The following CMC1 variants were observed in gnomAD, a reference collection of about 807,000 sequenced individuals.
CMC1 encodes C-X9-C motif containing 1.
In CMC1, 14 loss-of-function variants were observed where a neutral mutation model predicts 14.1. The ratio of observed to expected loss-of-function variants is 0.99; its 90% confidence interval spans 0.66 to 1.55. CMC1 has a LOEUF of 1.55. Ranked by LOEUF, CMC1 falls within the 40% of genes most tolerant of loss-of-function variation. The pLI is 0.00. For synonymous variants in CMC1, 50 were observed against 38.4 expected (o/e 1.30, Z -1.12); for missense variants, 127 against 123.8 (o/e 1.03, Z -0.12).
chr3:28,267,852 C>G (rs1483515172), intron 2 of CMC1, among the ~76,000 whole-genome samples: 1 of 152,162 alleles, frequency 6.6e-6, no homozygotes, highest in Non-Finnish European at 1.5e-5. Flanking sequence ...GGGCTGCAGA[C>G]TATATACATG....
chr3:28,247,978 TAGG>T (rs547458308), intron 1 of CMC1, among the ~76,000 whole-genome samples: 34 of 152,302 alleles, frequency 2.2e-4, no homozygotes, highest in Admixed American at 1.8e-3. Flanking sequence ...ATCAGTTTCT[TAGG>T]AGAGTTTTCC....
At chr3:28,295,102 AACGTGAG>A (rs1701672506) in intron 2 of CMC1, among the ~76,000 whole-genome samples, 1 of 152,186 alleles carries the variant, frequency 6.6e-6, no homozygotes, top group Non-Finnish European at 1.5e-5. Flanking sequence ...GACTCATTTT[AACGTGAG>A]CTCGTTTTTA....
intron 2 of CMC1, among the ~76,000 whole-genome samples, chr3:28,290,610 T>A (rs1701423353): frequency 6.6e-6 from 1 of 152,152 alleles, no homozygotes; most frequent in African/African-American, 2.4e-5. Context: ...ATATCTTGTA[T>A]CAGTTCTTTC....
intron 3 of CMC1, chr3:28,317,785 C>G (rs1248596356): frequency 6.6e-6 from 1 of 151,988 alleles, no homozygotes; most frequent in African/African-American, 2.4e-5. Flanking sequence ...TTGTGAGGTA[C>G]TGCATGTAAA....
intron 2 of CMC1, among the ~76,000 whole-genome samples, chr3:28,283,360 A>T (rs1363451152): frequency 4.6e-5 from 7 of 151,784 alleles, no homozygotes; most frequent in Non-Finnish European, 5.9e-5. Context: ...CTAAAAATAA[A>T]AAAAAAAAAT....
intron 2 of CMC1, among the ~76,000 whole-genome samples, chr3:28,287,599 AT>A (rs1701251432): frequency 6.6e-6 from 1 of 152,112 alleles, no homozygotes; most frequent in African/African-American, 2.4e-5. Flanking sequence ...TCACATGGTT[AT>A]TGGTATACTT....
intron 2 of CMC1, among the ~76,000 whole-genome samples, chr3:28,300,338 G>A (rs757436866): frequency 6.6e-6 from 1 of 151,962 alleles, no homozygotes; most frequent in African/African-American, 2.4e-5. Context: ...ATTTATATTC[G>A]AGAACAATTA....
intron 2 of CMC1, among the ~76,000 whole-genome samples, chr3:28,296,093 G>A (rs1299510960): frequency 6.6e-6 from 1 of 152,074 alleles, no homozygotes; most frequent in African/African-American, 2.4e-5. Context: ...CATATGAACA[G>A]ATTGTTAGAA....
intron 2 of CMC1, among the ~76,000 whole-genome samples, chr3:28,308,827 CA>C (rs1234518085): frequency 6.6e-6 from 1 of 151,902 alleles, no homozygotes; most frequent in Non-Finnish European, 1.5e-5. Context: ...TACTAAAATA[CA>C]AAAAATTAGC....
rs1266233574 is a variant in CMC1 at position 28,322,577 on chromosome 3, G to A, written c.*2948G>A. Reference sequence around the variant, plus strand: ...TTTTTGCTGCTTTGTTATTACACAGGTAGTTGCTTCCTTCAGCTAAAGCCT... The same window carrying A: ...TTTTTGCTGCTTTGTTATTACACAGATAGTTGCTTCCTTCAGCTAAAGCCT... On this transcript the variant is annotated 3_prime_UTR_variant, in exon 4 of 4. Coordinates refer to ENST00000466830, the MANE Select transcript of CMC1 (RefSeq NM_182523.2). 6.6e-6 allele frequency: 1 copy of A among 151,498 alleles called. No homozygotes were observed. Among genetic ancestry groups the A allele is most frequent in the Non-Finnish European group, 1.5e-5 (1 of 67,368 alleles). 9.4% of individuals were successfully genotyped at this position (151,498 alleles called of 1,614,324 possible). A position where few individuals can be genotyped will look rare whatever the true frequency, so the allele number is the denominator to read the frequency against.
intron 2 of CMC1, among the ~76,000 whole-genome samples, chr3:28,302,849 G>A (rs1422206058): frequency 1.3e-5 from 2 of 152,136 alleles, no homozygotes; most frequent in Non-Finnish European, 2.9e-5. Context: ...GACCTCATGT[G>A]TGAGATACCT....
intron 2 of CMC1, among the ~76,000 whole-genome samples, chr3:28,298,516 T>C (rs1701864940): frequency 6.7e-6 from 1 of 150,256 alleles, no homozygotes; most frequent in African/African-American, 2.4e-5. Flanking sequence ...TAGTACATAC[T>C]AAGTATTCTC....
intron 1 of CMC1, among the ~76,000 whole-genome samples, chr3:28,257,302 A>G (rs1192803498): frequency 6.6e-6 from 1 of 152,138 alleles, no homozygotes; most frequent in Non-Finnish European, 1.5e-5. Context: ...ATCACCATAG[A>G]TTAACTTTGC....
At chr3:28,289,700 T>C (rs1433543419) in intron 2 of CMC1, among the ~76,000 whole-genome samples, 1 of 152,120 alleles carries the variant, frequency 6.6e-6, no homozygotes, top group African/African-American at 2.4e-5. Flanking sequence ...TTTCAATACC[T>C]CTACTCTACT....
In CMC1 at chr3:28,316,272, G is replaced by A; in HGVS notation, c.110-61G>A. 4 of 787,398 alleles carry A rather than the reference G, an allele frequency of 5.1e-6. No homozygotes were observed. In the South Asian group the frequency reaches 8.4e-5, roughly 17 times the overall value. 48.8% of individuals were successfully genotyped at this position (787,398 alleles called of 1,614,324 possible). On this transcript the variant is annotated intron_variant, in intron 2 of 3. Coordinates refer to ENST00000466830, the MANE Select transcript of CMC1 (RefSeq NM_182523.2). ...TTTTTTCTAAAAAGAAGAAAATTGT[G>A]TGTGTGGGTATTTATATAGATATAA...
chr3:28,307,885 G>T (rs564957802), intron 2 of CMC1, among the ~76,000 whole-genome samples: 5 of 152,278 alleles, frequency 3.3e-5, no homozygotes, highest in African/African-American at 1.2e-4. Context: ...TTTGTTTCTG[G>T]AGCCTCTAGG....
chr3:28,301,783 G>C (rs1160535124), intron 2 of CMC1, among the ~76,000 whole-genome samples: 1 of 152,104 alleles, frequency 6.6e-6, no homozygotes, highest in Admixed American at 6.6e-5. Flanking sequence ...TGTTTAAACT[G>C]GCGCTGAGCC....
At chr3:28,263,045 TGTA>T (rs1208309102) in intron 1 of CMC1, 2 of 392,352 alleles carry the variant, frequency 5.1e-6, no homozygotes, top group African/African-American at 2.2e-5. Flanking sequence ...GTAAAGATGT[TGTA>T]GTATAGTTTG....
Position 28,241,710 on chromosome 3 carries a change from T to A in CMC1, c.-84T>A. ...GAAGCTCCCGGGGGTCGCACGTGCG[T>A]CCGAGCCCAAGCCCCTCCCCTCCAC... On this transcript the variant is annotated 5_prime_UTR_variant, in exon 1 of 4. Coordinates refer to ENST00000466830, the MANE Select transcript of CMC1 (RefSeq NM_182523.2). The A allele has an allele frequency of 8.9e-6, 11 of 1,238,482 alleles. No homozygotes were observed. The highest frequency in any genetic ancestry group is 1.0e-5 in the Non-Finnish European group (10 of 987,962). 76.7% of individuals were successfully genotyped at this position (1,238,482 alleles called of 1,614,324 possible).
Sources: gnomAD v4.1 joint callset for allele counts (sites outside exome capture counted in the v4.1 genomes callset) on GRCh38, gnomAD v4.1.1 for gene constraint, MANE v1.5 for transcripts, NCBI Gene and HGNC (gene_info 2026-07-23, HGNC 2026-07-21) for gene names.